The following SH3RF3 variants were observed in gnomAD, a reference collection of about 807,000 sequenced individuals.
The protein encoded by SH3RF3 is E3 ubiquitin-protein ligase SH3RF3.
A neutral mutation model predicts 66.3 loss-of-function variants in SH3RF3; 29 were observed. That is an observed-to-expected ratio of 0.44 (90% confidence interval 0.33 to 0.60). SH3RF3 has a LOEUF of 0.60. Among genes scored for constraint, SH3RF3 ranks in the 20% least tolerant of loss-of-function variants. The pLI is 0.04. For synonymous variants in SH3RF3, 583 were observed against 532.0 expected, an observed-to-expected ratio of 1.10 and a Z score of -1.32; for missense variants, 1,194 against 1,190.9, an observed-to-expected ratio of 1.00 and a Z score of -0.04.
chr2:109,168,256 C>T (rs17020548), intron 1 of SH3RF3, among the ~76,000 whole-genome samples: 4,521 of 152,280 alleles, frequency 0.03, 212 homozygotes, highest in African/African-American at 0.1. Flanking sequence ...ATTTTCACCA[C>T]CTGATGGGGT....
At chr2:109,476,600 G>T (rs1176585457) in intron 8 of SH3RF3, among the ~76,000 whole-genome samples, 1 of 152,152 alleles carries the variant, frequency 6.6e-6, no homozygotes, top group East Asian at 1.9e-4. Context: ...TCAAACACAT[G>T]GTTATGAAGT....
At chr2:109,481,983 A>G (rs1201667022) in intron 8 of SH3RF3, among the ~76,000 whole-genome samples, 2 of 152,228 alleles carry the variant, frequency 1.3e-5, no homozygotes, top group African/African-American at 4.8e-5. Flanking sequence ...TCAGACCTCA[A>G]CGGTGCATTC....
At chr2:109,149,948 T>G (rs1049366255) in intron 1 of SH3RF3, among the ~76,000 whole-genome samples, 1 of 152,230 alleles carries the variant, frequency 6.6e-6, no homozygotes, top group Non-Finnish European at 1.5e-5. Flanking sequence ...AAACTAGTGG[T>G]TCTTGACTTG....
At chr2:109,400,697 C>T (rs1234644968) in intron 4 of SH3RF3, among the ~76,000 whole-genome samples, 2 of 152,242 alleles carry the variant, frequency 1.3e-5, no homozygotes, top group African/African-American at 4.8e-5. Flanking sequence ...TACACACCTG[C>T]ACGCATATGT....
chr2:109,449,610 C>A, intron 8 of SH3RF3, 121 bp downstream of exon 8: 1 of 1,262,528 alleles, frequency 7.9e-7, no homozygotes, highest in Non-Finnish European at 1.1e-6. Flanking sequence ...CAAGTGCCTG[C>A]CCCTAGATGA....
chr2:109,171,110 T>C (rs915616379), intron 1 of SH3RF3, among the ~76,000 whole-genome samples: 2 of 152,226 alleles, frequency 1.3e-5, no homozygotes, highest in African/African-American at 4.8e-5. Context: ...GACTTATCTC[T>C]TCCTCAGTAA....
chr2:109,262,944 T>A (rs1307426297), intron 1 of SH3RF3, among the ~76,000 whole-genome samples: 1 of 152,170 alleles, frequency 6.6e-6, no homozygotes, highest in African/African-American at 2.4e-5. Context: ...GCAACTCTTC[T>A]GTCTCAGCCT....
chr2:109,192,085 C>T lies in SH3RF3; in HGVS notation c.573+61972C>T, dbSNP rs772382219. 5.3e-5 allele frequency among the ~76,000 whole-genome samples: 8 copies of T among 152,264 alleles called. No individual in the cohort carries two copies. In the East Asian group the frequency reaches 7.7e-4, roughly 15 times the overall value. ...CTGCACCTTCACTTTGCAAACCGAGCGACAGAAGTCAACTTTGGTTAATTT... is the reference window on the plus strand; with the variant it reads ...CTGCACCTTCACTTTGCAAACCGAGTGACAGAAGTCAACTTTGGTTAATTT... On this transcript the variant is annotated intron_variant, in intron 1 of 9. Coordinates refer to ENST00000309415, the MANE Select transcript of SH3RF3 (RefSeq NM_001099289.3).
At chr2:109,330,154 T>C (rs1310406128) in intron 1 of SH3RF3, among the ~76,000 whole-genome samples, 8 of 152,244 alleles carry the variant, frequency 5.3e-5, no homozygotes. Context: ...GTGAGATACT[T>C]AGAGGGAACA....
chr2:109,195,516 G>C (rs932205005), intron 1 of SH3RF3, among the ~76,000 whole-genome samples: 8 of 152,198 alleles, frequency 5.3e-5, no homozygotes, highest in African/African-American at 1.7e-4. Flanking sequence ...GGAAACCTAC[G>C]TTCTTTAGAG....
intron 2 of SH3RF3, among the ~76,000 whole-genome samples, chr2:109,351,613 T>G (rs1682840007): frequency 6.6e-6 from 1 of 152,248 alleles, no homozygotes; most frequent in East Asian, 1.9e-4. Context: ...CTGCTTTTCA[T>G]GAGTTCCAGC....
At chr2:109,133,999 T>C (rs576364299) in intron 1 of SH3RF3, among the ~76,000 whole-genome samples, 27 of 152,210 alleles carry the variant, frequency 1.8e-4, no homozygotes, top group African/African-American at 6.3e-4. Flanking sequence ...GGATAGAGGG[T>C]GTCTATGGTA....
intron 1 of SH3RF3, among the ~76,000 whole-genome samples, chr2:109,232,842 C>T (rs920271202): frequency 2.6e-5 from 4 of 152,170 alleles, no homozygotes; most frequent in Non-Finnish European, 4.4e-5. Flanking sequence ...AAAATTTTAT[C>T]GAGGTTCAAT....
intron 1 of SH3RF3, among the ~76,000 whole-genome samples, chr2:109,199,000 G>A (rs1221588960): frequency 6.6e-6 from 1 of 152,164 alleles, no homozygotes; most frequent in Non-Finnish European, 1.5e-5. Flanking sequence ...CACGTGGTGT[G>A]TGACTGTATT....
At chr2:109,354,581 C>G (rs924798743) in intron 2 of SH3RF3, among the ~76,000 whole-genome samples, 1 of 152,226 alleles carries the variant, frequency 6.6e-6, no homozygotes, top group African/African-American at 2.4e-5. Context: ...TTTCAGTGAT[C>G]GTGGCATTTC....
intron 9 of SH3RF3, among the ~76,000 whole-genome samples, chr2:109,500,971 A>G (rs9330322): frequency 0.2 from 29,807 of 152,194 alleles, 3,195 homozygotes; most frequent in Admixed American, 0.3. Context: ...GACAATTTAC[A>G]TAAACAATGT....
Position 109,419,546 on chromosome 2 carries a change from C to T in SH3RF3, c.1307C>T (p.Ser436Phe), listed in dbSNP as rs776198581. 2 of 1,594,900 alleles carry T rather than the reference C, an allele frequency of 1.3e-6. No homozygotes were observed. The highest frequency in any genetic ancestry group is 1.7e-5 in the Admixed American group (1 of 57,250). The change falls in exon 5 of 10, where the codon TCC (serine) becomes TTC (phenylalanine). Residue 436 changes from serine to phenylalanine, a missense_variant. By Grantham distance (155) the Ser-to-Phe change is radical. Transcript: ENST00000309415. ...CCTCTTGTCTGTTTCCAGGATGTCT[C>T]CTCCTCGGCGGGATCTACCCCCACG... Reference protein sequence around the residue: ...LSCAAPTQDVSSSAGSTPTAV... With the variant: ...LSCAAPTQDVFSSAGSTPTAV...
intron 1 of SH3RF3, among the ~76,000 whole-genome samples, chr2:109,135,160 A>C (rs534547006): frequency 1.8e-4 from 28 of 152,160 alleles, no homozygotes; most frequent in Non-Finnish European, 4.1e-4. Context: ...CCTTGTACTT[A>C]GTCTCCAAGT....
At chr2:109,447,372 T>C (rs1573259126) in intron 7 of SH3RF3, among the ~76,000 whole-genome samples, 1 of 152,082 alleles carries the variant, frequency 6.6e-6, no homozygotes, top group Non-Finnish European at 1.5e-5. Context: ...ACGGTGCTAC[T>C]TCCCGTGGCC....
Sources: gnomAD v4.1 joint callset for allele counts (sites outside exome capture counted in the v4.1 genomes callset) on GRCh38, gnomAD v4.1.1 for gene constraint, MANE v1.5 for transcripts, NCBI Gene and HGNC (gene_info 2026-07-23, HGNC 2026-07-21) for gene names.